The following ATF7 variants were observed in gnomAD, a reference collection of about 807,000 sequenced individuals.
ATF7 encodes activating transcription factor 7, also known as cyclic AMP-dependent transcription factor ATF-7.
ATF7 carries 10 observed loss-of-function variants against 50.4 expected under a neutral mutation model. The ratio of observed to expected loss-of-function variants is 0.20; its 90% CI spans 0.12 to 0.34. The LOEUF (loss-of-function observed/expected upper bound fraction) is 0.34. ATF7 is among the 10% of genes least tolerant of loss of function. The pLI, the probability that ATF7 is intolerant of heterozygous loss-of-function variation, is 1.00. For missense variants in ATF7, 465 were observed against 613.9 expected (o/e 0.76, Z 2.56); for synonymous variants, 201 against 226.4 (o/e 0.89, Z 1.01).
intron 3 of ATF7, chr12:53,543,905 A>G (rs915743412): frequency 6.4e-6 from 1 of 157,440 alleles, no homozygotes; most frequent in African/African-American, 2.4e-5. Context: ...GAAGAAACTG[A>G]GGATCAGATG....
At chr12:53,510,298 C>G (rs1054537159), downstream of ATF7, among the ~76,000 whole-genome samples, 2 of 152,334 alleles carry the variant, frequency 1.3e-5, no homozygotes, top group Admixed American at 1.3e-4. Context: ...CTGGGACTCC[C>G]AAAGTTTTGG....
In ATF7 at chr12:53,609,157, C is replaced by CTTTTT. The variant is rs535786548; in HGVS notation, c.-21-8141_-21-8137dup. Among the ~76,000 whole-genome samples, 319 of 141,342 alleles carry CTTTTT rather than the reference C, an allele frequency of 2.3e-3. 2 individuals are homozygous for CTTTTT. The highest frequency in any genetic ancestry group is 8.0e-3 in the African/African-American group (309 of 38,492). 92.7% of individuals were successfully genotyped at this position (141,342 alleles called of 152,430 possible). A position where few individuals can be genotyped will look rare whatever the true frequency, so the allele number is the denominator to read the frequency against. ...CTGTTTCTTTTCTTTCTCTTTTTTC[C>CTTTTT]TTTTTTTTTTTTTTGAGACAGGGTT... On this transcript the variant is annotated intron_variant, in intron 1 of 11. Transcript: ENST00000420353.
chr12:53,582,714 GA>G (rs895220937), intron 2 of ATF7, among the ~76,000 whole-genome samples: 5 of 152,136 alleles, frequency 3.3e-5, no homozygotes, highest in Non-Finnish European at 7.4e-5. Context: ...GAGTAGCTGG[GA>G]CTACAAGTCC....
At chr12:53,577,483 G>A (rs1348603042) in intron 2 of ATF7, among the ~76,000 whole-genome samples, 4 of 152,014 alleles carry the variant, frequency 2.6e-5, no homozygotes, top group Admixed American at 2.0e-4. Flanking sequence ...TTGGGAGGCC[G>A]AGGCGGGTGG....
At chr12:53,622,013 C>G (rs1944401752) in intron 1 of ATF7, among the ~76,000 whole-genome samples, 1 of 151,894 alleles carries the variant, frequency 6.6e-6, no homozygotes, top group African/African-American at 2.4e-5. Context: ...CTTAAGAAAT[C>G]GTACGGGCTG....
downstream of ATF7, among the ~76,000 whole-genome samples, chr12:53,510,531 T>G (rs1944110395): frequency 6.7e-6 from 1 of 148,536 alleles, no homozygotes; most frequent in Non-Finnish European, 1.5e-5. Context: ...TAATCCTAGC[T>G]CTTGCACTTC....
intron 2 of ATF7, among the ~76,000 whole-genome samples, chr12:53,564,779 C>G (rs768788111): frequency 2.0e-5 from 3 of 152,220 alleles, no homozygotes; most frequent in Non-Finnish European, 4.4e-5. Flanking sequence ...CTACATCAAA[C>G]TTGTCCAACC....
chr12:53,528,960 C>T (rs1436375618), intron 9 of ATF7, among the ~76,000 whole-genome samples: 1 of 151,870 alleles, frequency 6.6e-6, no homozygotes, highest in Non-Finnish European at 1.5e-5. Context: ...GAAGCTGGGG[C>T]TGGGCATGGT....
chr12:53,533,146 A>G lies in ATF7; in HGVS notation c.660+14T>C, dbSNP rs1408593863. 6.2e-7 allele frequency: 1 copy of G among 1,602,284 alleles called. No homozygotes were observed. The highest frequency in any genetic ancestry group is 8.5e-7 in the Non-Finnish European group (1 of 1,169,754). On this transcript the variant is annotated intron_variant, in intron 7 of 11. Transcript: ENST00000420353. ...CATGTTGGTAGGGTTGGCTGCCCCA[A>G]CTACAGAGCTCACCGATATAACAGA...
At chr12:53,610,083 C>T (rs1415440434) in intron 1 of ATF7, among the ~76,000 whole-genome samples, 2 of 151,900 alleles carry the variant, frequency 1.3e-5, no homozygotes, top group African/African-American at 4.8e-5. Context: ...TCCCAAAGTG[C>T]TGGGATTACA....
chr12:53,600,919 G>C lies in ATF7; in HGVS notation c.48+34C>G, dbSNP rs200033528. On this transcript the variant is annotated intron_variant, in intron 2 of 11. Coordinates refer to ENST00000420353, the MANE Select transcript of ATF7 (RefSeq NM_006856.3). ...TAAAACAGCCACTTTGATTCACAAC[G>C]AGACATTCACAATAAAGTATATTGT... 3 of 1,606,480 alleles carry C rather than the reference G, an allele frequency of 1.9e-6. No individual in the cohort carries two copies. The African/African-American group carries it at 4.0e-5, about 21-fold the overall frequency.
chr12:53,620,804 A>G (rs954002086), intron 1 of ATF7, among the ~76,000 whole-genome samples: 6 of 152,082 alleles, frequency 3.9e-5, no homozygotes, highest in Non-Finnish European at 8.8e-5. Flanking sequence ...CAAAATAACA[A>G]CAAAAAATCC....
intron 3 of ATF7, chr12:53,543,936 C>G (rs948616376): frequency 6.4e-6 from 1 of 156,140 alleles, no homozygotes; most frequent in African/African-American, 2.4e-5. Flanking sequence ...CTGACTAAAG[C>G]TACCGAGTAA....
chr12:53,613,306 G>C (rs997584902), intron 1 of ATF7, among the ~76,000 whole-genome samples: 5 of 152,096 alleles, frequency 3.3e-5, no homozygotes, highest in African/African-American at 1.2e-4. Context: ...TGAGAATCCA[G>C]CTTTTTTCTG....
chr12:53,534,464 T>C, intron 6 of ATF7, 38 bp downstream of exon 6: 2 of 1,611,968 alleles, frequency 1.2e-6, no homozygotes, highest in Non-Finnish European at 1.7e-6. Context: ...TGGAAAGAAA[T>C]GCAGCCTTCA....
At chr12:53,614,997 T>C (rs1371750634) in intron 1 of ATF7, among the ~76,000 whole-genome samples, 1 of 151,252 alleles carries the variant, frequency 6.6e-6, no homozygotes, top group Non-Finnish European at 1.5e-5. Context: ...GGAGAATCAC[T>C]TGAACCCAGG....
chr12:53,534,499 T>C lies in ATF7; in HGVS notation c.560+3A>G. The C allele has an allele frequency of 6.2e-7, 1 of 1,613,780 alleles. No homozygotes were observed. Among genetic ancestry groups the C allele is most frequent in the Non-Finnish European group, 8.5e-7 (1 of 1,179,754 alleles). On this transcript the variant is annotated splice_donor_region_variant and intron_variant, in intron 6 of 11. Coordinates refer to ENST00000420353, the MANE Select transcript of ATF7 (RefSeq NM_006856.3). ...ACTACTTCTCCCTGCTCTCTGTACT[T>C]ACCCCATTTGCCTGTTGGATGGTGG...
At chr12:53,508,622 G>T (rs1328147279), downstream of ATF7, among the ~76,000 whole-genome samples, 4 of 151,980 alleles carry the variant, frequency 2.6e-5, no homozygotes, top group Non-Finnish European at 5.9e-5. Context: ...CTGAATGAGT[G>T]TGGCTTCCAA....
At chr12:53,577,560 G>A (rs1201481631) in intron 2 of ATF7, among the ~76,000 whole-genome samples, 2 of 151,522 alleles carry the variant, frequency 1.3e-5, no homozygotes, top group African/African-American at 4.8e-5. Context: ...ACTAAAAATA[G>A]AAAAAATTAG....
Sources: allele counts gnomAD v4.1 joint callset (sites outside exome capture counted in the v4.1 genomes callset), GRCh38; gene constraint gnomAD v4.1.1; transcripts MANE v1.5; gene names NCBI Gene and HGNC (gene_info 2026-07-23, HGNC 2026-07-21).